ADGRL3: variants seen among roughly 807,000 people sequenced by gnomAD.
ADGRL3 encodes the protein calcium-independent alpha-latrotoxin receptor 3.
In ADGRL3, 62 loss-of-function variants were observed where a neutral mutation model predicts 153.5. That is an observed-to-expected ratio of 0.40 (90% CI 0.33 to 0.50). The LOEUF is 0.50. ADGRL3 is among the 20% of genes least tolerant of loss of function. The probability of loss-of-function intolerance (pLI) is 0.47; values close to 1 mark genes in which losing one functional copy is unlikely to be tolerated. For missense variants in ADGRL3, 1,641 were observed against 1,859.4 expected (o/e 0.88, Z 2.16); for synonymous variants, 710 against 672.5 (o/e 1.06, Z -0.86).
chr4:61,259,595 T>G (rs2092343685), intron 1 of ADGRL3, among the ~76,000 whole-genome samples: 1 of 152,094 alleles, frequency 6.6e-6, no homozygotes, highest in African/African-American at 2.4e-5. Flanking sequence ...CTCGTAGTGT[T>G]TATATTGCAT....
intron 5 of ADGRL3, among the ~76,000 whole-genome samples, chr4:61,656,352 C>CT (rs942428811): frequency 4.6e-5 from 7 of 151,242 alleles, no homozygotes; most frequent in South Asian, 2.1e-4. Flanking sequence ...AATGAAGGTA[C>CT]TTTTTTTTGT....
At chr4:61,934,617 A>G (rs138021327) in intron 13 of ADGRL3, among the ~76,000 whole-genome samples, 1 of 152,266 alleles carries the variant, frequency 6.6e-6, no homozygotes, top group African/African-American at 2.4e-5. Flanking sequence ...TGTCCTTCAA[A>G]ACAAAAACAG....
intron 1 of ADGRL3, among the ~76,000 whole-genome samples, chr4:61,286,520 T>C (rs2093948724): frequency 6.6e-6 from 1 of 151,760 alleles, no homozygotes. Flanking sequence ...GCAGAAGTCA[T>C]TACATGAGAA....
intron 2 of ADGRL3, among the ~76,000 whole-genome samples, chr4:61,448,846 AGGGAAG>A: frequency 1.1e-4 from 1 of 9,394 alleles, no homozygotes; most frequent in Admixed American, 2.9e-3. Context: ...GAGGGAAGGA[AGGGAAG>A]GAAGGGAGGG....
intron 8 of ADGRL3, 35 bp from the exon 9 acceptor site, chr4:61,813,774 T>G: frequency 6.2e-7 from 1 of 1,604,804 alleles, no homozygotes. Flanking sequence ...GACATACGTA[T>G]GATGTCTTCT....
intron 8 of ADGRL3, among the ~76,000 whole-genome samples, chr4:61,798,685 T>C (rs1348579407): frequency 6.6e-6 from 1 of 151,866 alleles, no homozygotes; most frequent in Non-Finnish European, 1.5e-5. Flanking sequence ...TGGCACGATC[T>C]TGGCTCACTG....
intron 1 of ADGRL3, among the ~76,000 whole-genome samples, chr4:61,282,817 T>C (rs1248891996): frequency 6.6e-6 from 1 of 152,060 alleles, no homozygotes; most frequent in African/African-American, 2.4e-5. Flanking sequence ...TTGTTACTGA[T>C]CTTTAGATTC....
rs537297436 is a variant in ADGRL3 at position 61,864,390 on chromosome 4, C to T, written c.1481-28266C>T. On this transcript the variant is annotated intron_variant, in intron 9 of 26. Coordinates refer to ENST00000683033, the MANE Select transcript of ADGRL3 (RefSeq NM_001387552.1). Reference sequence around the variant, plus strand: ...AAACTAACTAGTTTTGTCTGCTGTGCAAAAGGACTTGCATGACCCTCAGTA... The same window carrying T: ...AAACTAACTAGTTTTGTCTGCTGTGTAAAAGGACTTGCATGACCCTCAGTA... Among the ~76,000 whole-genome samples, 10 of 152,290 alleles carry T rather than the reference C, an allele frequency of 6.6e-5. No homozygotes were observed. The South Asian group carries it at 8.3e-4, about 13-fold the overall frequency.
At chr4:61,980,619 T>C (rs2099064898) in intron 18 of ADGRL3, among the ~76,000 whole-genome samples, 1 of 151,926 alleles carries the variant, frequency 6.6e-6, no homozygotes, top group Non-Finnish European at 1.5e-5. Context: ...TTTTGTATTT[T>C]TAGTAGAGAC....
intron 5 of ADGRL3, among the ~76,000 whole-genome samples, chr4:61,603,486 T>C (rs1053382063): frequency 8.5e-5 from 13 of 152,156 alleles, no homozygotes; most frequent in African/African-American, 2.9e-4. Flanking sequence ...CTGGTCATGT[T>C]CTAGGTTAAA....
Position 61,923,276 on chromosome 4 carries a change from G to C in ADGRL3, c.2112+10519G>C, listed in dbSNP as rs374187440. 9.2e-5 allele frequency among the ~76,000 whole-genome samples: 14 copies of C among 152,236 alleles called. No individual in the cohort carries two copies. In the South Asian group the frequency reaches 2.7e-3, roughly 29 times the overall value. ...TCTGATACTGATTCTTATAACTTCA[G>C]CTATTATCCTTGTGTAGATGATTTA... On this transcript the variant is annotated intron_variant, in intron 13 of 26. Coordinates refer to ENST00000683033, the MANE Select transcript of ADGRL3 (RefSeq NM_001387552.1).
chr4:61,585,686 A>G (rs1310973404), intron 4 of ADGRL3, among the ~76,000 whole-genome samples: 3 of 152,044 alleles, frequency 2.0e-5, no homozygotes, highest in African/African-American at 4.8e-5. Flanking sequence ...AATTTAAATT[A>G]CATGCTTATA....
At chr4:61,878,128 GACTA>G (rs1455338460) in intron 9 of ADGRL3, among the ~76,000 whole-genome samples, 2 of 152,176 alleles carry the variant, frequency 1.3e-5, no homozygotes, top group Admixed American at 1.3e-4. Context: ...TGTGGAAACA[GACTA>G]ACCCACATCC....
intron 1 of ADGRL3, among the ~76,000 whole-genome samples, chr4:61,327,166 C>T (rs1426460763): frequency 6.6e-6 from 1 of 151,906 alleles, no homozygotes; most frequent in East Asian, 1.9e-4. Context: ...CACTAAGGTG[C>T]AAAGTGAGAG....
rs1194055483 is a variant in ADGRL3, at chr4:61,965,763, A to AC, written c.2806-13800_2806-13799insC. ...AAGACTCCGACTCACAAAAAGAAAA[A>AC]AAAAAGCATTTGAACAGAAATATGG... is the stretch of plus-strand genomic sequence containing the variant. On this transcript the variant is annotated intron_variant, in intron 17 of 26. Transcript: ENST00000683033. 6.6e-5 allele frequency among the ~76,000 whole-genome samples: 10 copies of AC among 152,252 alleles called. No individual in the cohort carries two copies. In the East Asian group the frequency reaches 1.9e-3, roughly 30 times the overall value.
intron 1 of ADGRL3, among the ~76,000 whole-genome samples, chr4:61,350,731 G>A (rs2096027284): frequency 1.3e-5 from 2 of 152,014 alleles, no homozygotes; most frequent in Admixed American, 6.6e-5. Flanking sequence ...TTACTCTGGG[G>A]CATGATGAGC....
chr4:61,869,963 AGAG>A (rs2098431434), intron 9 of ADGRL3, among the ~76,000 whole-genome samples: 60 of 93,480 alleles, frequency 6.4e-4, no homozygotes, highest in Non-Finnish European at 7.2e-4. Context: ...AAAAAAAAAG[AGAG>A]AGAGAGAGAA....
intron 1 of ADGRL3, among the ~76,000 whole-genome samples, chr4:61,314,208 G>GTTT (rs372800861): frequency 1.4e-5 from 2 of 141,994 alleles, no homozygotes; most frequent in Non-Finnish European, 3.1e-5. Context: ...CTACTTTGAA[G>GTTT]TTTTTTTTTT....
At chr4:61,513,425 T>C (rs1425411635) in intron 3 of ADGRL3, among the ~76,000 whole-genome samples, 1 of 152,222 alleles carries the variant, frequency 6.6e-6, no homozygotes, top group Non-Finnish European at 1.5e-5. Context: ...TATTTTTCTT[T>C]TGTTTATCTC....
Sources: gnomAD v4.1 joint callset for allele counts (sites outside exome capture counted in the v4.1 genomes callset) on GRCh38, gnomAD v4.1.1 for gene constraint, MANE v1.5 for transcripts, NCBI Gene and HGNC (gene_info 2026-07-23, HGNC 2026-07-21) for gene names.